ARHGAP6: variants seen among roughly 807,000 people sequenced by gnomAD.
The protein encoded by ARHGAP6 is Rho GTPase activating protein 6.
In ARHGAP6, 16 loss-of-function variants were observed where a neutral mutation model predicts 55.7. That is an observed-to-expected ratio of 0.29 (90% CI 0.19 to 0.44). The LOEUF (loss-of-function observed/expected upper bound fraction) is 0.44, where lower values mean the gene tolerates loss of function less well. Among genes scored for constraint, ARHGAP6 ranks in the 20% least tolerant of loss-of-function variants. ARHGAP6 has a pLI of 1.00. For missense variants in ARHGAP6, 698 were observed against 808.9 expected (o/e 0.86, Z 1.66); for synonymous variants, 382 against 360.9 (o/e 1.06, Z -0.66).
At chrX:11,639,904 C>T (rs1275655364) in intron 1 of ARHGAP6, among the ~76,000 whole-genome samples, 1 of 111,140 alleles carries the variant, frequency 9.0e-6, no homozygotes, top group Non-Finnish European at 1.9e-5. Context: ...CCATACTTAA[C>T]ATTTTAAAAG....
intron 1 of ARHGAP6, among the ~76,000 whole-genome samples, chrX:11,292,444 G>T (rs976710238): frequency 9.0e-6 from 1 of 111,692 alleles, no homozygotes; most frequent in South Asian, 3.8e-4. Flanking sequence ...TTTGGTCATT[G>T]CTTAGGGAAA....
intron 1 of ARHGAP6, among the ~76,000 whole-genome samples, chrX:11,581,540 T>C (rs2051666226): frequency 8.9e-6 from 1 of 111,914 alleles, no homozygotes; most frequent in Admixed American, 9.5e-5. Flanking sequence ...AATAAATGGA[T>C]AAACAAAGTG....
At chrX:11,302,795 T>C (rs2048188430) in intron 1 of ARHGAP6, among the ~76,000 whole-genome samples, 1 of 111,149 alleles carries the variant, frequency 9.0e-6, no homozygotes, top group Non-Finnish European at 1.9e-5. Context: ...CACCAAGACA[T>C]ACTACAGTTC....
At chrX:11,339,279 C>G (rs1327986271) in intron 1 of ARHGAP6, among the ~76,000 whole-genome samples, 2 of 111,701 alleles carry the variant, frequency 1.8e-5, no homozygotes, top group African/African-American at 6.5e-5. Flanking sequence ...GGTCTTCTAC[C>G]ACACCGACTT....
Position 11,340,697 on chromosome X carries a change from C to A in ARHGAP6, c.589-85990G>T, listed in dbSNP as rs976265076. Among the ~76,000 whole-genome samples, 131 of 107,133 alleles carry A rather than the reference C, an allele frequency of 1.2e-3. 1 individual carries two copies. The highest frequency in any genetic ancestry group is 4.4e-3 in the African/African-American group (124 of 28,251). The allele number at this position is 107,133 out of a possible 115,157, so 93.0% of individuals were successfully genotyped here. On this transcript the variant is annotated intron_variant, in intron 1 of 12. Transcript: ENST00000337414. ...TGAGCCGAGATCGCGCCACTGCACTCCAGCCTGGGAGAAAGAGTGAGACTC... is the reference window on the plus strand; with the variant it reads ...TGAGCCGAGATCGCGCCACTGCACTACAGCCTGGGAGAAAGAGTGAGACTC...
chrX:11,542,430 G>A (rs770401177), intron 1 of ARHGAP6, among the ~76,000 whole-genome samples: 7 of 110,602 alleles, frequency 6.3e-5, no homozygotes, highest in East Asian at 2.8e-4. Context: ...AGCCGAGATC[G>A]CGCCACTGCA....
intron 1 of ARHGAP6, among the ~76,000 whole-genome samples, chrX:11,522,492 G>C (rs2050941191): frequency 9.0e-6 from 1 of 110,908 alleles, no homozygotes; most frequent in Non-Finnish European, 1.9e-5. Context: ...CCGCTAGCAA[G>C]ACTAATAAAG....
chrX:11,198,995 T>C (rs1236985808), intron 2 of ARHGAP6, among the ~76,000 whole-genome samples: 1 of 112,376 alleles, frequency 8.9e-6, no homozygotes, highest in African/African-American at 3.2e-5. Flanking sequence ...AGAATATGAT[T>C]TTGTTTTTCC....
intron 1 of ARHGAP6, among the ~76,000 whole-genome samples, chrX:11,387,702 G>A (rs893439368): frequency 8.2e-5 from 9 of 109,902 alleles, no homozygotes; most frequent in Non-Finnish European, 1.3e-4. Context: ...ATCCCTCCCC[G>A]CTTCCCCCAC....
intron 1 of ARHGAP6, among the ~76,000 whole-genome samples, chrX:11,432,452 T>A: frequency 8.9e-6 from 1 of 112,400 alleles, no homozygotes; most frequent in East Asian, 2.8e-4. Flanking sequence ...TGCATTTTTA[T>A]AGGGTCCAAA....
chrX:11,252,553 G>A (rs752239037), intron 2 of ARHGAP6, among the ~76,000 whole-genome samples: 1 of 112,127 alleles, frequency 8.9e-6, no homozygotes, highest in East Asian at 2.8e-4. Context: ...TTTCACAATT[G>A]CCTAAGTGAT....
chrX:11,290,617 C>G, intron 1 of ARHGAP6: 1 of 243,387 alleles, frequency 4.1e-6, no homozygotes, highest in Non-Finnish European at 7.6e-6. Flanking sequence ...GAAATTATTC[C>G]AGAATATTGG....
At chrX:11,355,194 T>C (rs1210866910) in intron 1 of ARHGAP6, among the ~76,000 whole-genome samples, 1 of 111,365 alleles carries the variant, frequency 9.0e-6, no homozygotes, top group Non-Finnish European at 1.9e-5. Context: ...GAAAAAAACT[T>C]TGGAATCCAA....
At chrX:11,188,045 TA>T (rs2046408393) in intron 4 of ARHGAP6, among the ~76,000 whole-genome samples, 1 of 110,531 alleles carries the variant, frequency 9.0e-6, no homozygotes, top group Non-Finnish European at 1.9e-5. Flanking sequence ...AAATAAAAGA[TA>T]AAAATAAAAT....
At chrX:11,440,232 C>T (rs909174826) in intron 1 of ARHGAP6, among the ~76,000 whole-genome samples, 3 of 112,592 alleles carry the variant, frequency 2.7e-5, no homozygotes, top group Non-Finnish European at 5.6e-5. Context: ...ATGGCATAAA[C>T]TTTTCAACAG....
At chrX:11,496,245 T>TA (rs1250934687) in intron 1 of ARHGAP6, among the ~76,000 whole-genome samples, 3 of 112,732 alleles carry the variant, frequency 2.7e-5, no homozygotes, top group East Asian at 5.5e-4. Flanking sequence ...TTATGTGAGA[T>TA]AAAAAATGTT....
At chrX:11,348,761 C>T (rs868722913) in intron 1 of ARHGAP6, among the ~76,000 whole-genome samples, 1 of 111,095 alleles carries the variant, frequency 9.0e-6, no homozygotes, top group Admixed American at 9.6e-5. Flanking sequence ...GCGATTCTCC[C>T]GCCTCAGCCT....
chrX:11,514,409 A>G (rs1175512568), intron 1 of ARHGAP6, among the ~76,000 whole-genome samples: 1 of 110,152 alleles, frequency 9.1e-6, no homozygotes, highest in Non-Finnish European at 1.9e-5. Flanking sequence ...TGGATAATTC[A>G]TTGTCGTGGG....
At chrX:11,213,243 C>T (rs1051712909) in intron 2 of ARHGAP6, among the ~76,000 whole-genome samples, 9 of 113,050 alleles carry the variant, frequency 8.0e-5, no homozygotes, top group South Asian at 3.6e-4. Flanking sequence ...GGCTCCCTCC[C>T]ATGCCCTGTG....
Sources: allele counts gnomAD v4.1 joint callset (sites outside exome capture counted in the v4.1 genomes callset), GRCh38; gene constraint gnomAD v4.1.1; transcripts MANE v1.5; gene names NCBI Gene and HGNC (gene_info 2026-07-23, HGNC 2026-07-21).